Variants in TYW1 observed in about 807,000 individuals in gnomAD.
The protein encoded by TYW1 is S-adenosyl-L-methionine-dependent tRNA 4-demethylwyosine synthase TYW1.
A neutral mutation model predicts 96.2 loss-of-function variants in TYW1; 46 were observed. The observed-to-expected ratio is 0.48, with a 90% CI of 0.38 to 0.61. TYW1 has a LOEUF of 0.61. Ranked by LOEUF, TYW1 falls within the 20% of genes least tolerant of loss-of-function variation. TYW1 has a pLI of 0.00. For missense variants in TYW1, 684 were observed against 909.6 expected, an observed-to-expected ratio of 0.75 and a Z score of 3.19; for synonymous variants, 274 against 323.0, an observed-to-expected ratio of 0.85 and a Z score of 1.63.
intron 15 of TYW1, among the ~76,000 whole-genome samples, chr7:67,195,710 T>C (rs1439625602): frequency 6.6e-6 from 1 of 152,176 alleles, no homozygotes; most frequent in African/African-American, 2.4e-5. Context: ...AGAAGCAATA[T>C]TGTGGTATCT....
At chr7:67,002,389 A>G (rs1337662855) in intron 3 of TYW1, among the ~76,000 whole-genome samples, 1 of 151,228 alleles carries the variant, frequency 6.6e-6, no homozygotes, top group Non-Finnish European at 1.5e-5. Flanking sequence ...GCCCATCTCA[A>G]TATTTCTTCA....
chr7:67,087,869 A>G (rs1796597774), intron 11 of TYW1, among the ~76,000 whole-genome samples: 1 of 151,762 alleles, frequency 6.6e-6, no homozygotes, highest in Admixed American at 6.6e-5. Context: ...ATTTTACTTT[A>G]TTTATTTACT....
chr7:67,081,027 A>G (rs1185950670), intron 10 of TYW1, among the ~76,000 whole-genome samples: 2 of 67,126 alleles, frequency 3.0e-5, no homozygotes, highest in East Asian at 4.8e-4. Context: ...TCTCATTTGT[A>G]TATCTGCCCT....
chr7:67,222,042 C>G (rs1246259856), intron 15 of TYW1, among the ~76,000 whole-genome samples: 1 of 151,824 alleles, frequency 6.6e-6, no homozygotes, highest in African/African-American at 2.4e-5. Flanking sequence ...ACTAAAAATA[C>G]AAAAATTGTC....
chr7:67,175,170 ATTTT>A (rs371564844), intron 13 of TYW1, among the ~76,000 whole-genome samples: 2 of 136,762 alleles, frequency 1.5e-5, no homozygotes. Flanking sequence ...TTAGTTCAGA[ATTTT>A]TTTTTTTTTT....
chr7:67,182,946 T>G (rs1437543596), intron 13 of TYW1, among the ~76,000 whole-genome samples, 180 bp from the exon 14 acceptor site: 4 of 151,484 alleles, frequency 2.6e-5, no homozygotes, highest in Non-Finnish European at 5.9e-5. Flanking sequence ...TAAGGCATGT[T>G]AGAATCATAG....
chr7:67,102,976 G>T (rs1797134642), intron 12 of TYW1, among the ~76,000 whole-genome samples: 1 of 152,182 alleles, frequency 6.6e-6, no homozygotes, highest in Non-Finnish European at 1.5e-5. Flanking sequence ...AAGCATCCTT[G>T]AAGCTCCTAA....
At chr7:67,188,145 C>A (rs1800087167) in intron 14 of TYW1, among the ~76,000 whole-genome samples, 1 of 152,182 alleles carries the variant, frequency 6.6e-6, no homozygotes, top group East Asian at 1.9e-4. Flanking sequence ...CATGGTGAAA[C>A]CCTGTCTCTA....
intron 8 of TYW1, among the ~76,000 whole-genome samples, chr7:67,051,707 C>T (rs1013476123): frequency 1.3e-5 from 2 of 150,558 alleles, no homozygotes; most frequent in African/African-American, 4.9e-5. Context: ...TTTCCATCTG[C>T]CTGAAGGACT....
intron 10 of TYW1, among the ~76,000 whole-genome samples, chr7:67,071,116 GC>G (rs1173846205): frequency 6.7e-6 from 1 of 148,664 alleles, no homozygotes; most frequent in South Asian, 2.2e-4. Context: ...GGGCAACAGA[GC>G]AAGACTCCGT....
At chr7:67,114,401 C>T (rs1314675793) in intron 12 of TYW1, 3 of 153,312 alleles carry the variant, frequency 2.0e-5, no homozygotes, top group Non-Finnish European at 2.9e-5. Context: ...TACAGAAAGG[C>T]AACATGGGAG....
chr7:67,069,868 G>T (rs1031667546), intron 10 of TYW1, among the ~76,000 whole-genome samples: 1 of 152,160 alleles, frequency 6.6e-6, no homozygotes, highest in South Asian at 2.1e-4. Flanking sequence ...TCTGTTTAGT[G>T]TCCTTTCATT....
At chr7:67,115,495 C>T (rs1797566080) in intron 12 of TYW1, among the ~76,000 whole-genome samples, 2 of 152,124 alleles carry the variant, frequency 1.3e-5, no homozygotes, top group Admixed American at 6.6e-5. Flanking sequence ...CACCTCTGTC[C>T]TACATTTGGT....
In TYW1 at chr7:67,194,916, C is replaced by T. The variant is rs145231656; in HGVS notation, c.1810-254C>T. Among the ~76,000 whole-genome samples the T allele has an allele frequency of 8.5e-4, 122 of 144,330 alleles. 1 individual carries two copies. The highest frequency in any genetic ancestry group is 2.9e-3 in the African/African-American group (109 of 37,542). 94.7% of individuals were successfully genotyped at this position (144,330 alleles called of 152,430 possible). On this transcript the variant is annotated intron_variant, in intron 14 of 15. Transcript: ENST00000359626. ...GACCAGACAGCCTAGATTGCGACAACGGTAGAAAGCGCAGGTACTTAAGCC... is the reference window on the plus strand; with the variant it reads ...GACCAGACAGCCTAGATTGCGACAATGGTAGAAAGCGCAGGTACTTAAGCC...
chr7:67,138,852 C>A (rs1798355355), intron 13 of TYW1, among the ~76,000 whole-genome samples: 2 of 151,514 alleles, frequency 1.3e-5, no homozygotes, highest in African/African-American at 4.9e-5. Context: ...ATATAAATAC[C>A]ACATTTTCTT....
intron 13 of TYW1, among the ~76,000 whole-genome samples, chr7:67,135,054 A>T (rs1798200930): frequency 6.6e-6 from 1 of 151,452 alleles, no homozygotes; most frequent in Admixed American, 6.6e-5. Context: ...TCAAGAGGCC[A>T]AGGCTGCAGT....
At chr7:67,052,872 C>T (rs185454157) in intron 8 of TYW1, among the ~76,000 whole-genome samples, 2 of 152,102 alleles carry the variant, frequency 1.3e-5, no homozygotes, top group African/African-American at 2.4e-5. Flanking sequence ...GCCTCAGCCT[C>T]CTGAGTAATT....
intron 15 of TYW1, among the ~76,000 whole-genome samples, chr7:67,229,395 G>A (rs1284546738): frequency 7.3e-6 from 1 of 137,656 alleles, no homozygotes; most frequent in Non-Finnish European, 1.6e-5. Context: ...AAAATTAGCT[G>A]GGCCGTGGTG....
intron 12 of TYW1, among the ~76,000 whole-genome samples, chr7:67,102,056 G>A (rs1244344114): frequency 6.6e-6 from 1 of 152,098 alleles, no homozygotes; most frequent in Non-Finnish European, 1.5e-5. Context: ...GGGATAGAAT[G>A]GTGTTTGGGG....
Sources: allele counts gnomAD v4.1 joint callset (sites outside exome capture counted in the v4.1 genomes callset), GRCh38; gene constraint gnomAD v4.1.1; transcripts MANE v1.5; gene names NCBI Gene and HGNC (gene_info 2026-07-23, HGNC 2026-07-21).